Variants in TTC12 observed in about 807,000 individuals in gnomAD.
TTC12 encodes tetratricopeptide repeat protein 12.
TTC12 carries 70 observed loss-of-function variants against 90.1 expected under a neutral mutation model. The observed-to-expected ratio is 0.78, with a 90% CI of 0.64 to 0.95. The LOEUF is 0.95. TTC12 is among the 40% of genes least tolerant of loss of function. The probability of loss-of-function intolerance (pLI) is 0.00; values close to 1 mark genes in which losing one functional copy is unlikely to be tolerated. For synonymous variants in TTC12, 296 were observed against 311.5 expected (o/e 0.95, Z 0.53); for missense variants, 819 against 846.1 (o/e 0.97, Z 0.40).
chr11:113,359,933 G>C lies in TTC12; in HGVS notation c.1546-7G>C, dbSNP rs1354330222. The C allele has an allele frequency of 5.0e-6, 8 of 1,590,746 alleles. No homozygotes were observed. The highest frequency in any genetic ancestry group is 4.0e-5 in the African/African-American group (3 of 74,804). ...AATCTCCTGCTGGCCTCTCCCCATT[G>C]TTGTAGGTTTGGGCTGTGGAGGTGA... is the stretch of plus-strand genomic sequence containing the variant. On this transcript the variant is annotated splice_region_variant and splice_polypyrimidine_tract_variant and intron_variant, in intron 17 of 21. Transcript: ENST00000529221.
At chr11:113,339,209 G>GAA in intron 9 of TTC12, 77 bp from the exon 10 acceptor site, 1 of 1,237,926 alleles carries the variant, frequency 8.1e-7, no homozygotes, top group Non-Finnish European at 1.1e-6. Flanking sequence ...CAAAAGAAAG[G>GAA]AAAAAAAAAG....
chr11:113,318,390 G>C (rs1292249622), intron 2 of TTC12, among the ~76,000 whole-genome samples: 1 of 152,188 alleles, frequency 6.6e-6, no homozygotes, highest in Non-Finnish European at 1.5e-5. Context: ...GGTGTGAGCA[G>C]GTTTGGTTTC....
downstream of TTC12, chr11:113,368,603 T>C (rs1271236760): frequency 1.9e-6 from 2 of 1,063,492 alleles, no homozygotes; most frequent in Admixed American, 2.0e-5. Context: ...AGCTGCTCAC[T>C]GTCTTCATAC....
At chr11:113,346,526 C>G (rs1948970997) in intron 13 of TTC12, among the ~76,000 whole-genome samples, 1 of 152,116 alleles carries the variant, frequency 6.6e-6, no homozygotes, top group Non-Finnish European at 1.5e-5. Flanking sequence ...TTCCCTCTTG[C>G]TGCAACTCCA....
intron 12 of TTC12, among the ~76,000 whole-genome samples, chr11:113,342,754 A>G (rs773591563): frequency 6.6e-6 from 1 of 152,164 alleles, no homozygotes; most frequent in Non-Finnish European, 1.5e-5. Context: ...CAGGGGGCCT[A>G]TTTCCTGACA....
intron 8 of TTC12, among the ~76,000 whole-genome samples, chr11:113,337,694 A>G (rs562523094): frequency 6.6e-5 from 10 of 152,336 alleles, no homozygotes; most frequent in African/African-American, 1.7e-4. Context: ...ATGATCTGAC[A>G]TATTTTAAAG....
intron 13 of TTC12, among the ~76,000 whole-genome samples, chr11:113,346,580 G>A (rs142368056): frequency 2.6e-5 from 4 of 151,850 alleles, no homozygotes; most frequent in Non-Finnish European, 5.9e-5. Context: ...CAGCTGGATC[G>A]GTCCCTTTTA....
chr11:113,314,645 C>G (rs1010636159), intron 1 of TTC12, 27 bp downstream of exon 1: 1 of 152,894 alleles, frequency 6.5e-6, no homozygotes, highest in Non-Finnish European at 1.5e-5. Context: ...ACCCCGGAAT[C>G]CCCCCTGGGA....
intron 7 of TTC12, among the ~76,000 whole-genome samples, chr11:113,334,763 T>C (rs1948264556): frequency 6.6e-6 from 1 of 152,058 alleles, no homozygotes; most frequent in African/African-American, 2.4e-5. Flanking sequence ...ATTAATTAAT[T>C]TGGTGAAGAG....
At chr11:113,346,900 A>G (rs1591587017) in intron 13 of TTC12, among the ~76,000 whole-genome samples, 1 of 152,216 alleles carries the variant, frequency 6.6e-6, no homozygotes, top group East Asian at 1.9e-4. Context: ...GTTACATGAA[A>G]GCATTTTCTC....
intron 1 of TTC12, 179 bp from the exon 2 acceptor site, chr11:113,316,064 G>A (rs1311717739): frequency 1.0e-5 from 4 of 391,226 alleles, no homozygotes; most frequent in Admixed American, 9.0e-5. Context: ...GTAAATGAGT[G>A]CCTCTTGGCC....
At chr11:113,366,743 T>G (rs1408093501), downstream of TTC12, among the ~76,000 whole-genome samples, 4 of 152,056 alleles carry the variant, frequency 2.6e-5, no homozygotes, top group African/African-American at 9.7e-5. Context: ...TGAGAGAGAG[T>G]TGCATTGGCA....
rs542630981 is a variant in TTC12 at position 113,357,472 on chromosome 11, G to A, written c.1447-1891G>A. On this transcript the variant is annotated intron_variant, in intron 16 of 21. Transcript: ENST00000529221. Reference sequence around the variant, plus strand: ...CTGGTTTAGACCCCTTTCTGGAGGGGTGTTATGGTTGTTTGGAGGAAAGAA... The same window carrying A: ...CTGGTTTAGACCCCTTTCTGGAGGGATGTTATGGTTGTTTGGAGGAAAGAA... 2.6e-5 allele frequency among the ~76,000 whole-genome samples: 4 copies of A among 152,322 alleles called. No homozygotes were observed. The South Asian group carries it at 6.2e-4, about 24-fold the overall frequency.
intron 2 of TTC12, among the ~76,000 whole-genome samples, chr11:113,317,411 C>A (rs1947007614): frequency 6.6e-6 from 1 of 152,082 alleles, no homozygotes; most frequent in Non-Finnish European, 1.5e-5. Flanking sequence ...ATCTGGGACT[C>A]CTCCCAACTC....
At chr11:113,359,799 G>A in intron 17 of TTC12, 141 bp from the exon 18 acceptor site, 2 of 656,522 alleles carry the variant, frequency 3.0e-6, no homozygotes, top group Non-Finnish European at 5.4e-6. Context: ...AGGAATAAAA[G>A]CAGTAAAAGA....
Position 113,359,974 on chromosome 11 carries a change from CTT to C in TTC12, c.1582_1583del (p.Leu528ThrfsTer28). The C allele has an allele frequency of 6.2e-7, 1 of 1,600,704 alleles. No homozygotes were observed. Among genetic ancestry groups the C allele is most frequent in the South Asian group, 1.1e-5 (1 of 87,668 alleles). Reference sequence around the variant, plus strand: ...GTGGAGGTGAGCAGAAGGTGCCTGTCTTTACTAAACAGCCAGGATGGAGGAAT... The same window carrying C: ...GTGGAGGTGAGCAGAAGGTGCCTGTCTACTAAACAGCCAGGATGGAGGAAT... On this transcript the variant is annotated frameshift_variant, in exon 18 of 22. Transcript: ENST00000529221. LOFTEE classifies it high-confidence loss of function.
intron 1 of TTC12, chr11:113,315,271 T>G (rs1437057993): frequency 6.6e-6 from 1 of 152,202 alleles, no homozygotes; most frequent in African/African-American, 2.4e-5. Flanking sequence ...ATAGTCCTCG[T>G]AGTTTCTCTC....
intron 11 of TTC12, among the ~76,000 whole-genome samples, chr11:113,341,049 G>A (rs1265324386): frequency 6.6e-6 from 1 of 152,172 alleles, no homozygotes; most frequent in Non-Finnish European, 1.5e-5. Flanking sequence ...GGCCAACATG[G>A]TGAAACCCCG....
rs111843274 is a variant in TTC12 at position 113,339,424 on chromosome 11, C to T, written c.776C>T (p.Pro259Leu). 1.2e-6 allele frequency: 2 copies of T among 1,613,600 alleles called. No individual in the cohort carries two copies. Among genetic ancestry groups the T allele is most frequent in the Admixed American group, 1.7e-5 (1 of 59,916 alleles). Residue 259 changes from proline to leucine, a missense_variant, in exon 10 of 22, where the codon CCC becomes CTC. By Grantham distance (98) the Pro-to-Leu change is moderately conservative. Coordinates refer to ENST00000529221, the MANE Select transcript of TTC12 (RefSeq NM_017868.4). The part of the protein sequence containing the change: ...LETLSKPDQI[P>L]LFYAGGIEIL... ...ACCCTTTCCAAGCCTGACCAGATCCCCTTGTTCTATGCTGGGGGGATTGAG... is the reference window on the plus strand; with the variant it reads ...ACCCTTTCCAAGCCTGACCAGATCCTCTTGTTCTATGCTGGGGGGATTGAG...
Sources: gnomAD v4.1 joint callset for allele counts (sites outside exome capture counted in the v4.1 genomes callset) on GRCh38, gnomAD v4.1.1 for gene constraint, MANE v1.5 for transcripts, NCBI Gene and HGNC (gene_info 2026-07-23, HGNC 2026-07-21) for gene names.